Variants in SLC39A11 observed in about 807,000 individuals in gnomAD.
SLC39A11 encodes the protein solute carrier family 39 member 11.
In SLC39A11, 33 loss-of-function variants were observed where a neutral mutation model predicts 36.1. That is an observed-to-expected ratio of 0.91 (90% CI 0.69 to 1.22). SLC39A11 has a LOEUF of 1.22. Among genes scored for constraint, SLC39A11 ranks in the 50% most tolerant of loss-of-function variants. The pLI is 0.00. For synonymous variants in SLC39A11, 166 were observed against 170.3 expected, an observed-to-expected ratio of 0.97 and a Z score of 0.20; for missense variants, 432 against 430.3, an observed-to-expected ratio of 1.00 and a Z score of -0.03.
At chr17:72,658,586 G>A (rs34938620) in intron 7 of SLC39A11, among the ~76,000 whole-genome samples, 2 of 152,286 alleles carry the variant, frequency 1.3e-5, no homozygotes, top group Admixed American at 1.3e-4. Flanking sequence ...CTTGGAGGTC[G>A]CCTGGCTCAA....
intron 6 of SLC39A11, among the ~76,000 whole-genome samples, chr17:72,783,004 C>CAAAAAAAAAAAAA (rs34750819): frequency 2.2e-4 from 18 of 80,962 alleles, no homozygotes; most frequent in African/African-American, 1.2e-3. Context: ...TCTGTCTCAA[C>CAAAAAAAAAAAAA]AAAAAAAAAA....
intron 6 of SLC39A11, among the ~76,000 whole-genome samples, chr17:72,780,480 G>A (rs2076271256): frequency 7.2e-6 from 1 of 139,192 alleles, no homozygotes; most frequent in Admixed American, 7.9e-5. Flanking sequence ...TTAATTCCAC[G>A]TCTACTACGT....
intron 5 of SLC39A11, among the ~76,000 whole-genome samples, chr17:72,854,514 T>G (rs911994462): frequency 6.6e-6 from 1 of 152,094 alleles, no homozygotes; most frequent in South Asian, 2.1e-4. Context: ...GATAGTAGTA[T>G]GTGTTAACCC....
intron 5 of SLC39A11, among the ~76,000 whole-genome samples, chr17:72,872,429 GATTCTC>G (rs1159553420): frequency 6.6e-6 from 1 of 152,190 alleles, no homozygotes; most frequent in Non-Finnish European, 1.5e-5. Flanking sequence ...AACTCTGCCA[GATTCTC>G]AGACTCAACT....
chr17:72,976,155 G>A (rs557295937), intron 4 of SLC39A11, among the ~76,000 whole-genome samples: 11 of 116,512 alleles, frequency 9.4e-5, no homozygotes, highest in African/African-American at 3.6e-4. Flanking sequence ...GAGCGACAGA[G>A]CGCGACTCCA....
At chr17:72,906,850 G>A (rs550406549) in intron 5 of SLC39A11, among the ~76,000 whole-genome samples, 2 of 152,220 alleles carry the variant, frequency 1.3e-5, no homozygotes, top group Admixed American at 6.5e-5. Flanking sequence ...AACCTGCCTT[G>A]TTAAAGTGTA....
At chr17:72,791,479 G>A (rs1280214916) in intron 6 of SLC39A11, among the ~76,000 whole-genome samples, 1 of 152,152 alleles carries the variant, frequency 6.6e-6, no homozygotes, top group African/African-American at 2.4e-5. Context: ...GAAAAAGTTT[G>A]ACAGCCACTG....
At chr17:72,726,657 T>C (rs2073946712) in intron 7 of SLC39A11, among the ~76,000 whole-genome samples, 1 of 152,178 alleles carries the variant, frequency 6.6e-6, no homozygotes. Flanking sequence ...GGAAAATATG[T>C]CAAAATATGC....
At chr17:72,898,710 G>A (rs140402613) in intron 5 of SLC39A11, among the ~76,000 whole-genome samples, 4 of 152,334 alleles carry the variant, frequency 2.6e-5, no homozygotes, top group African/African-American at 4.8e-5. Context: ...ATACACTCAC[G>A]TAGACACTCA....
At chr17:72,907,807 C>A (rs187702738) in intron 5 of SLC39A11, among the ~76,000 whole-genome samples, 1 of 152,300 alleles carries the variant, frequency 6.6e-6, no homozygotes. Context: ...CAGAACTCTG[C>A]AGGGAAACAG....
At chr17:72,953,810 G>C (rs532879399) in intron 4 of SLC39A11, among the ~76,000 whole-genome samples, 5 of 152,212 alleles carry the variant, frequency 3.3e-5, no homozygotes, top group Non-Finnish European at 7.3e-5. Context: ...CCTCACTGGG[G>C]TGAGTCATTG....
intron 4 of SLC39A11, among the ~76,000 whole-genome samples, chr17:72,960,081 C>T (rs1024367028): frequency 9.9e-5 from 15 of 152,216 alleles, no homozygotes; most frequent in African/African-American, 3.1e-4. Context: ...AAAGCCTATT[C>T]ATACTCAGCA....
chr17:72,671,967 T>A (rs2071041829), intron 7 of SLC39A11, among the ~76,000 whole-genome samples: 1 of 152,128 alleles, frequency 6.6e-6, no homozygotes, highest in South Asian at 2.1e-4. Flanking sequence ...GTGACTATAG[T>A]AGACAATACT....
intron 3 of SLC39A11, among the ~76,000 whole-genome samples, chr17:73,049,279 T>C (rs2059419074): frequency 6.6e-6 from 1 of 152,130 alleles, no homozygotes; most frequent in African/African-American, 2.4e-5. Context: ...ACTAGATGCA[T>C]CCAGGCAAGG....
intron 7 of SLC39A11, among the ~76,000 whole-genome samples, chr17:72,669,027 C>G (rs1200010207): frequency 6.6e-6 from 1 of 152,078 alleles, no homozygotes; most frequent in Admixed American, 6.5e-5. Flanking sequence ...CTAACAAATC[C>G]ATAAAGGACA....
At chr17:73,059,573 T>C (rs371531767) in intron 3 of SLC39A11, among the ~76,000 whole-genome samples, 1 of 151,466 alleles carries the variant, frequency 6.6e-6, no homozygotes, top group Non-Finnish European at 1.5e-5. Flanking sequence ...GAGAATCACT[T>C]GAACCTGGGA....
chr17:72,669,543 G>T (rs1309721679), intron 7 of SLC39A11, among the ~76,000 whole-genome samples: 1 of 152,166 alleles, frequency 6.6e-6, no homozygotes, highest in East Asian at 1.9e-4. Context: ...GAAGTGATAT[G>T]TCCACATCAG....
rs545788290 is a variant in SLC39A11 at position 72,665,704 on chromosome 17, G to A, written c.672-16436C>T. On this transcript the variant is annotated intron_variant, in intron 7 of 9. Transcript: ENST00000255559. ...ACCCAACCAAGTTTTGAGGTATTCCGTTACGCAGCAATAAGTAACTAATAC... is the reference window on the plus strand; with the variant it reads ...ACCCAACCAAGTTTTGAGGTATTCCATTACGCAGCAATAAGTAACTAATAC... Among the ~76,000 whole-genome samples, 12 of 152,098 alleles carry A rather than the reference G, an allele frequency of 7.9e-5. No individual in the cohort carries two copies. In the East Asian group the frequency reaches 1.2e-3, roughly 15 times the overall value.
intron 4 of SLC39A11, among the ~76,000 whole-genome samples, chr17:72,963,391 T>G (rs368120007): frequency 6.6e-6 from 1 of 151,582 alleles, no homozygotes; most frequent in Non-Finnish European, 1.5e-5. Context: ...AGGATGGTCT[T>G]GATCTCCTGA....
Sources: gnomAD v4.1 joint callset for allele counts (sites outside exome capture counted in the v4.1 genomes callset) on GRCh38, gnomAD v4.1.1 for gene constraint, MANE v1.5 for transcripts, NCBI Gene and HGNC (gene_info 2026-07-23, HGNC 2026-07-21) for gene names.